PPP1CC: variants seen among roughly 807,000 people sequenced by gnomAD.
The protein encoded by PPP1CC is protein phosphatase 1 catalytic subunit gamma.
Under a neutral mutation model 38.4 loss-of-function variants are expected in PPP1CC, and 16 were observed. The ratio of observed to expected loss-of-function variants is 0.42; its 90% CI spans 0.28 to 0.63. The LOEUF (loss-of-function observed/expected upper bound fraction) is 0.63. Ranked by LOEUF, PPP1CC falls within the 30% of genes least tolerant of loss-of-function variation. The pLI is 0.25. For synonymous variants in PPP1CC, 158 were observed against 136.0 expected (o/e 1.16, Z -1.13); for missense variants, 170 against 391.3 (o/e 0.43, Z 4.77).
At chr12:110,737,863 G>A (rs1054107141) in intron 1 of PPP1CC, among the ~76,000 whole-genome samples, 3 of 152,064 alleles carry the variant, frequency 2.0e-5, no homozygotes, top group African/African-American at 4.8e-5. Context: ...AGGAAGAATC[G>A]CTTGAACCCA....
intron 1 of PPP1CC, 53 bp from the exon 2 acceptor site, chr12:110,731,954 T>C (rs757849527): frequency 1.8e-5 from 28 of 1,582,158 alleles, no homozygotes; most frequent in Non-Finnish European, 2.3e-5. Flanking sequence ...CAAAATACAA[T>C]ACGAGATTTA....
chr12:110,732,149 C>A, intron 1 of PPP1CC: 4 of 551,470 alleles, frequency 7.3e-6, no homozygotes, highest in South Asian at 5.1e-5. Context: ...CCTGTCTGTG[C>A]GAATGCTGTT....
chr12:110,721,031 A>T lies in PPP1CC; in HGVS notation c.*45T>A. 6.5e-7 allele frequency: 1 copy of T among 1,538,546 alleles called. No homozygotes were observed. The highest frequency in any genetic ancestry group is 1.1e-5 in the South Asian group (1 of 89,516). On this transcript the variant is annotated 3_prime_UTR_variant, in exon 7 of 7. Transcript: ENST00000335007. ...TTACAGTCTTAAAAATGAAGGTTATATACTCTATGTTACAAGTCCCGACTA... is the reference window on the plus strand; with the variant it reads ...TTACAGTCTTAAAAATGAAGGTTATTTACTCTATGTTACAAGTCCCGACTA...
At chr12:110,725,188 G>A (rs2069782744) in intron 3 of PPP1CC, 1 of 153,114 alleles carries the variant, frequency 6.5e-6, no homozygotes, top group African/African-American at 2.4e-5. Context: ...TTCCAGATTT[G>A]ATAATGATTA....
chr12:110,730,500 C>A (rs756160697), intron 3 of PPP1CC, 29 bp downstream of exon 3: 2 of 1,465,738 alleles, frequency 1.4e-6, no homozygotes, highest in African/African-American at 2.8e-5. Flanking sequence ...ATTTCAATAA[C>A]TCTTCCTTAG....
chr12:110,734,243 G>A (rs1223943310), intron 1 of PPP1CC, among the ~76,000 whole-genome samples: 2 of 152,216 alleles, frequency 1.3e-5, no homozygotes, highest in Non-Finnish European at 2.9e-5. Flanking sequence ...GCCATAGCCA[G>A]CACACAGCAG....
chr12:110,722,707 G>C lies in PPP1CC; in HGVS notation c.524-12C>G. ...ATCTGGTGATAAACCTATTCAATGA[G>C]GAAAAAAAAAAAATGAAGAAAGCAG... On this transcript the variant is annotated splice_polypyrimidine_tract_variant and intron_variant, in intron 4 of 6. Transcript: ENST00000335007. This position sits in a 1 kb window ranked among gnomAD's most constrained non-coding sequence, Gnocchi z 5.4. 1 of 1,527,752 alleles carries C rather than the reference G, an allele frequency of 6.5e-7. No homozygotes were observed. Among genetic ancestry groups the C allele is most frequent in the Non-Finnish European group, 8.8e-7 (1 of 1,138,282 alleles). 94.6% of individuals were successfully genotyped at this position (1,527,752 alleles called of 1,614,324 possible).
chr12:110,728,375 G>T, intron 3 of PPP1CC, among the ~76,000 whole-genome samples: 1 of 147,104 alleles, frequency 6.8e-6, no homozygotes, highest in Non-Finnish European at 1.5e-5. Context: ...TCCAGCCTGG[G>T]CGACAGAGCG....
intron 1 of PPP1CC, chr12:110,732,278 C>T (rs1382164796): frequency 3.1e-5 from 9 of 285,974 alleles, no homozygotes; most frequent in Non-Finnish European, 5.1e-5. Context: ...GCCAACATGG[C>T]GTGCACCTGT....
At chr12:110,742,084 G>A (rs1287480746) in intron 1 of PPP1CC, among the ~76,000 whole-genome samples, 3 of 152,126 alleles carry the variant, frequency 2.0e-5, no homozygotes, top group African/African-American at 7.2e-5. Context: ...GCGAAGACAG[G>A]TTCTCACACC....
chr12:110,713,646 A>G, the PPP1CC span, among the ~76,000 whole-genome samples: 76 of 152,250 alleles, frequency 5.0e-4, no homozygotes, highest in Middle Eastern at 3.4e-3. Context: ...TTCGGGGACA[A>G]GCAGCCCCCA....
chr12:110,720,761 T>C lies in PPP1CC; in HGVS notation c.*315A>G, dbSNP rs2069729015. ...TACATGATTATGGGTTGTACTGAAT[T>C]AAAAAAGATCAATTGTACACTTACT... is the stretch of plus-strand genomic sequence containing the variant. On this transcript the variant is annotated 3_prime_UTR_variant, in exon 7 of 7. Coordinates refer to ENST00000335007, the MANE Select transcript of PPP1CC (RefSeq NM_002710.4). 2.5e-5 allele frequency: 6 copies of C among 236,134 alleles called. No individual in the cohort carries two copies. The highest frequency in any genetic ancestry group is 5.0e-5 in the Non-Finnish European group (6 of 120,462). 14.6% of individuals were successfully genotyped at this position (236,134 alleles called of 1,614,324 possible).
downstream of PPP1CC, among the ~76,000 whole-genome samples, chr12:110,716,617 A>G (rs1212088450): frequency 6.6e-6 from 1 of 151,982 alleles, no homozygotes; most frequent in Non-Finnish European, 1.5e-5. Context: ...CCTCCCAATC[A>G]CGCTGGAATT....
intron 4 of PPP1CC, among the ~76,000 whole-genome samples, chr12:110,723,566 G>T (rs1435735276): frequency 6.6e-6 from 1 of 152,186 alleles, no homozygotes; most frequent in Admixed American, 6.5e-5. Flanking sequence ...CTGGAGTGCA[G>T]TGGTGCGATC....
chr12:110,724,043 C>T (rs2069767854), intron 4 of PPP1CC, among the ~76,000 whole-genome samples: 1 of 151,428 alleles, frequency 6.6e-6, no homozygotes, highest in East Asian at 2.0e-4. Flanking sequence ...TTGAGACCAT[C>T]CTGGCTAACA....
At chr12:110,726,096 G>C (rs763980667) in intron 3 of PPP1CC, 1 of 152,326 alleles carries the variant, frequency 6.6e-6, no homozygotes, top group Non-Finnish European at 1.5e-5. Flanking sequence ...AACAAACCAA[G>C]AGTTTGTCCT....
chr12:110,724,814 G>T (rs546773000), intron 3 of PPP1CC, 50 bp from the exon 4 acceptor site: 22 of 1,111,378 alleles, frequency 2.0e-5, no homozygotes, highest in Non-Finnish European at 1.9e-5. Context: ...TTACTGTTCC[G>T]TAGGCTCATT....
chr12:110,722,505 C>T lies in PPP1CC; in HGVS notation c.714G>A (p.Lys238=). ...CTCTACATATAAGATCCAAATCATG[C>T]TTATGGAGAAATTTTGCAACCACTT... ...GAEVVAKFLH[K]HDLDLICRAH... The change falls in exon 5 of 7, where the codon AAG becomes AAA. Residue 238 remains lysine (K), a synonymous_variant. Coordinates refer to ENST00000335007, the MANE Select transcript of PPP1CC (RefSeq NM_002710.4). The surrounding 1 kb of genome is among the most constrained non-coding windows in gnomAD (Gnocchi z 5.4). The T allele has an allele frequency of 6.2e-7, 1 of 1,614,168 alleles. No individual in the cohort carries two copies. Among genetic ancestry groups the T allele is most frequent in the Non-Finnish European group, 8.5e-7 (1 of 1,180,030 alleles).
chr12:110,715,289 T>C (rs2069679107), downstream of PPP1CC, among the ~76,000 whole-genome samples: 1 of 152,146 alleles, frequency 6.6e-6, no homozygotes, highest in African/African-American at 2.4e-5. Context: ...AGGAAACTGA[T>C]TGTTTGGAAC....
Sources: allele counts gnomAD v4.1 joint callset (sites outside exome capture counted in the v4.1 genomes callset), GRCh38; gene constraint gnomAD v4.1.1; non-coding constraint Gnocchi (gnomAD v3.1); transcripts MANE v1.5; gene names NCBI Gene and HGNC (gene_info 2026-07-23, HGNC 2026-07-21).